Variants in SLC1A1 observed in about 807,000 individuals in gnomAD.
The protein encoded by SLC1A1 is excitatory amino acid transporter 3.
SLC1A1 carries 43 observed loss-of-function variants against 53.3 expected under a neutral mutation model. The observed-to-expected ratio is 0.81, with a 90% confidence interval of 0.63 to 1.04. The LOEUF (loss-of-function observed/expected upper bound fraction) is 1.04, where lower values mean the gene tolerates loss of function less well. Ranked by LOEUF, SLC1A1 falls within the 50% of genes least tolerant of loss-of-function variation. The pLI, the probability that SLC1A1 is intolerant of heterozygous loss-of-function variation, is 0.00. For missense variants in SLC1A1, 748 were observed against 664.9 expected (o/e 1.12, Z -1.37); for synonymous variants, 307 against 243.2 (o/e 1.26, Z -2.44).
At position 4,555,238 on chromosome 9, in the gene SLC1A1, T is replaced by A. The variant is rs114191249; in HGVS notation, c.233-6211T>A. ...TTTTAACTCCTATGCAACAATGAGT[T>A]TCTTGGATGTGGTGTCCACTTATAA... On this transcript the variant is annotated intron_variant, in intron 2 of 11. Coordinates refer to ENST00000262352, the MANE Select transcript of SLC1A1 (RefSeq NM_004170.6). 6.7e-3 allele frequency among the ~76,000 whole-genome samples: 1,018 copies of A among 152,256 alleles called. 8 individuals are homozygous for A. The highest frequency in any genetic ancestry group is 0.023 in the African/African-American group (971 of 41,530).
At chr9:4,501,232 G>A (rs974983998) in intron 1 of SLC1A1, among the ~76,000 whole-genome samples, 5 of 151,566 alleles carry the variant, frequency 3.3e-5, no homozygotes, top group Non-Finnish European at 5.9e-5. Context: ...CACCCAGGCT[G>A]GAGTGTAGTA....
chr9:4,515,015 C>G (rs531119571), intron 1 of SLC1A1, among the ~76,000 whole-genome samples: 3 of 152,062 alleles, frequency 2.0e-5, no homozygotes, highest in East Asian at 3.9e-4. Flanking sequence ...CTCGCTGACT[C>G]TCTCTCTCCT....
chr9:4,575,885 T>C lies in SLC1A1; in HGVS notation c.876-116T>C, dbSNP rs974279453. ...ATTCCTGCCCTACTCCCATTTCTTATTGGGCCATTATGAAAGTCAAACAAT... is the reference window on the plus strand; with the variant it reads ...ATTCCTGCCCTACTCCCATTTCTTACTGGGCCATTATGAAAGTCAAACAAT... On this transcript the variant is annotated intron_variant, in intron 8 of 11. Coordinates refer to ENST00000262352, the MANE Select transcript of SLC1A1 (RefSeq NM_004170.6). 7.6e-6 allele frequency: 9 copies of C among 1,184,560 alleles called. No homozygotes were observed. The African/African-American group carries it at 1.4e-4, about 18-fold the overall frequency. 73.4% of individuals were successfully genotyped at this position (1,184,560 alleles called of 1,614,324 possible). A position where few individuals can be genotyped will look rare whatever the true frequency, so the allele number is the denominator to read the frequency against.
In SLC1A1 at chr9:4,585,906, G is replaced by C. The variant is rs374032610; in HGVS notation, c.*348G>C. On this transcript the variant is annotated 3_prime_UTR_variant, in exon 12 of 12. Transcript: ENST00000262352. ...TTCTCATGCATAGACAAGTGTTTTG[G>C]GTTTTTAAAAAAAATATTCTGTCAT... is the stretch of plus-strand genomic sequence containing the variant. 1 of 204,330 alleles carries C rather than the reference G, an allele frequency of 4.9e-6. No individual in the cohort carries two copies. Among genetic ancestry groups the C allele is most frequent in the Non-Finnish European group, 1.0e-5 (1 of 99,990 alleles). 12.7% of individuals were successfully genotyped at this position (204,330 alleles called of 1,614,324 possible). A position where few individuals can be genotyped will look rare whatever the true frequency, so the allele number is the denominator to read the frequency against.
chr9:4,511,177 T>C (rs1025090640), intron 1 of SLC1A1, among the ~76,000 whole-genome samples: 1 of 152,228 alleles, frequency 6.6e-6, no homozygotes, highest in Non-Finnish European at 1.5e-5. Context: ...CTGGCTGCTG[T>C]AACAACATCC....
intron 1 of SLC1A1, among the ~76,000 whole-genome samples, chr9:4,518,732 G>A (rs1464177495): frequency 6.6e-6 from 1 of 152,172 alleles, no homozygotes; most frequent in East Asian, 1.9e-4. Flanking sequence ...AGGTCACTCT[G>A]CTGCCTCTAC....
In SLC1A1 at chr9:4,556,562, C is replaced by T. The variant is rs1258588155; in HGVS notation, c.233-4887C>T. Among the ~76,000 whole-genome samples, 4 of 152,182 alleles carry T rather than the reference C, an allele frequency of 2.6e-5. No homozygotes were observed. Among genetic ancestry groups the T allele is most frequent in the South Asian group, 2.1e-4 (1 of 4,826 alleles). On this transcript the variant is annotated intron_variant, in intron 2 of 11. Transcript: ENST00000262352. The surrounding 1 kb of genome is among the most constrained non-coding windows in gnomAD (Gnocchi z 4.1). Reference sequence around the variant, plus strand: ...AAAGATGGCCTGAGAGCAAGAAACCCGGGGGTCCATTGAGAATAAAAACTC... The same window carrying T: ...AAAGATGGCCTGAGAGCAAGAAACCTGGGGGTCCATTGAGAATAAAAACTC...
At chr9:4,497,590 T>C (rs1270743826) in intron 1 of SLC1A1, among the ~76,000 whole-genome samples, 1 of 152,214 alleles carries the variant, frequency 6.6e-6, no homozygotes, top group East Asian at 1.9e-4. Context: ...TCAAACTCTA[T>C]TACCTCCATA....
At chr9:4,521,052 C>T (rs111917097) in intron 1 of SLC1A1, among the ~76,000 whole-genome samples, 5,132 of 152,204 alleles carry the variant, frequency 0.034, 146 homozygotes, top group South Asian at 0.056. Flanking sequence ...TATATGCTTA[C>T]TGTCCATTTG....
intron 5 of SLC1A1, among the ~76,000 whole-genome samples, chr9:4,566,412 C>A (rs1819490842): frequency 6.6e-6 from 1 of 152,142 alleles, no homozygotes; most frequent in Non-Finnish European, 1.5e-5. Flanking sequence ...TTTTGGAGAA[C>A]CATAGTATAT....
intron 4 of SLC1A1, 59 bp downstream of exon 4, chr9:4,564,517 T>C (rs1291001841): frequency 7.4e-6 from 7 of 940,210 alleles, no homozygotes; most frequent in Non-Finnish European, 1.2e-5. Flanking sequence ...CAAGGCCTTG[T>C]ATGTGGTTTA....
chr9:4,563,966 G>T (rs1279426914), intron 3 of SLC1A1, among the ~76,000 whole-genome samples: 1 of 152,166 alleles, frequency 6.6e-6, no homozygotes, highest in Admixed American at 6.5e-5. Flanking sequence ...CTCTGGGCTA[G>T]AAAATGGATC....
intron 1 of SLC1A1, among the ~76,000 whole-genome samples, chr9:4,511,186 C>T (rs980970700): frequency 1.7e-4 from 26 of 152,140 alleles, no homozygotes; most frequent in African/African-American, 6.3e-4. Flanking sequence ...GTAACAACAT[C>T]CCACAGACTA....
At chr9:4,528,702 T>C (rs1423201844) in intron 1 of SLC1A1, among the ~76,000 whole-genome samples, 1 of 152,202 alleles carries the variant, frequency 6.6e-6, no homozygotes, top group Non-Finnish European at 1.5e-5. Flanking sequence ...TACCAGAGGT[T>C]TGATAAATTG....
At chr9:4,527,615 C>G (rs1351901941) in intron 1 of SLC1A1, among the ~76,000 whole-genome samples, 1 of 152,142 alleles carries the variant, frequency 6.6e-6, no homozygotes, top group African/African-American at 2.4e-5. Flanking sequence ...ACCAGGTTCT[C>G]ATTTTAGATA....
intron 1 of SLC1A1, among the ~76,000 whole-genome samples, chr9:4,493,081 C>G (rs1163492768): frequency 6.6e-6 from 1 of 152,170 alleles, no homozygotes; most frequent in Non-Finnish European, 1.5e-5. Flanking sequence ...GGGCACTTTC[C>G]TCCAATTTTA....
At chr9:4,516,751 T>C (rs1325635243) in intron 1 of SLC1A1, among the ~76,000 whole-genome samples, 1 of 152,236 alleles carries the variant, frequency 6.6e-6, no homozygotes, top group Non-Finnish European at 1.5e-5. Flanking sequence ...CTTTGTATAT[T>C]ATAGTTTAAC....
intron 1 of SLC1A1, 72 bp downstream of exon 1, chr9:4,490,842 G>A: frequency 7.6e-7 from 1 of 1,312,766 alleles, no homozygotes. Context: ...GTGCGGCTGA[G>A]GGTGGGCTTG....
chr9:4,566,868 C>G (rs2129724380), intron 5 of SLC1A1, among the ~76,000 whole-genome samples: 1 of 152,248 alleles, frequency 6.6e-6, no homozygotes, highest in East Asian at 1.9e-4. Context: ...GAGTCCATCA[C>G]AAACTGCTGT....
Sources: allele counts gnomAD v4.1 joint callset (sites outside exome capture counted in the v4.1 genomes callset), GRCh38; gene constraint gnomAD v4.1.1; non-coding constraint Gnocchi (gnomAD v3.1); transcripts MANE v1.5; gene names NCBI Gene and HGNC (gene_info 2026-07-23, HGNC 2026-07-21).